The following DLEU7 variants were observed in gnomAD, a reference collection of about 807,000 sequenced individuals.
DLEU7 encodes leukemia-associated protein 7.
In DLEU7, 17 loss-of-function variants were observed where a neutral mutation model predicts 16.0. The ratio of observed to expected loss-of-function variants is 1.06; its 90% CI spans 0.73 to 1.59. The LOEUF (loss-of-function observed/expected upper bound fraction) is 1.59. DLEU7 is among the 40% of genes most tolerant of loss of function. DLEU7 has a pLI of 0.00. For missense variants in DLEU7, 308 were observed against 314.9 expected, an observed-to-expected ratio of 0.98 and a Z score of 0.17; for synonymous variants, 113 against 139.8, an observed-to-expected ratio of 0.81 and a Z score of 1.35.
chr13:50,840,793 G>A (rs373047385), intron 1 of DLEU7, among the ~76,000 whole-genome samples: 35 of 151,882 alleles, frequency 2.3e-4, no homozygotes, highest in African/African-American at 8.5e-4. Context: ...GGGGATGGGG[G>A]GGCAGCACTT....
At chr13:50,800,390 C>T (rs1200214917) in intron 1 of DLEU7, among the ~76,000 whole-genome samples, 4 of 152,122 alleles carry the variant, frequency 2.6e-5, no homozygotes, top group African/African-American at 9.7e-5. Flanking sequence ...CACCCCTTCC[C>T]CTTCAGTTTC....
downstream of DLEU7, chr13:50,822,904 G>A: frequency 2.0e-6 from 2 of 986,016 alleles, no homozygotes; most frequent in East Asian, 1.1e-4. Context: ...TTCATTCAAG[G>A]TAATTTTAAG....
intron 1 of DLEU7, among the ~76,000 whole-genome samples, chr13:50,816,954 G>A (rs1346668073): frequency 2.0e-5 from 3 of 152,098 alleles, no homozygotes; most frequent in Non-Finnish European, 4.4e-5. Context: ...TCCATTCAGA[G>A]CTGGAATACA....
chr13:50,755,841 G>C lies in DLEU7; in HGVS notation c.460-42601C>G, dbSNP rs575782851. 2.6e-5 allele frequency among the ~76,000 whole-genome samples: 4 copies of C among 152,196 alleles called. No homozygotes were observed. In the East Asian group the frequency reaches 5.8e-4, roughly 22 times the overall value. ...TTCTGCTTCCTTTTCATTTAGGTAGGCTCCGTCAGAGGCAAGGTCTAGGGC... is the reference window on the plus strand; with the variant it reads ...TTCTGCTTCCTTTTCATTTAGGTAGCCTCCGTCAGAGGCAAGGTCTAGGGC... On this transcript the variant is annotated intron_variant, in intron 1 of 1. Transcript: ENST00000400393.
At chr13:50,805,552 T>A (rs1452505970) in intron 1 of DLEU7, among the ~76,000 whole-genome samples, 6 of 152,230 alleles carry the variant, frequency 3.9e-5, no homozygotes, top group African/African-American at 1.4e-4. Context: ...TTGATTTTTT[T>A]ATATATTTTG....
chr13:50,750,038 T>C (rs1399183421), intron 1 of DLEU7, among the ~76,000 whole-genome samples: 1 of 152,174 alleles, frequency 6.6e-6, no homozygotes, highest in Non-Finnish European at 1.5e-5. Context: ...GTTTTTTCAG[T>C]GTTATCTTCT....
rs1221200823 is a variant in DLEU7, at chr13:50,789,940, TCTTTC to T, written c.459+53243_459+53247del. 1.7e-4 allele frequency among the ~76,000 whole-genome samples: 24 copies of T among 142,320 alleles called. 1 individual carries two copies. In the South Asian group the frequency reaches 2.1e-3, roughly 12 times the overall value. 93.4% of individuals were successfully genotyped at this position (142,320 alleles called of 152,430 possible). ...TTTTCTCTTTCTTTCTTTCTTTCTTTCTTTCTTTTTTTTTTTTTTGGGACAGAGTC... is the reference window on the plus strand; with the variant it reads ...TTTTCTCTTTCTTTCTTTCTTTCTTTTTTTTTTTTTTTTTGGGACAGAGTC... On this transcript the variant is annotated intron_variant, in intron 1 of 1. Coordinates refer to the DLEU7 transcript ENST00000400393.
At chr13:50,774,837 C>T (rs1242442006) in intron 1 of DLEU7, among the ~76,000 whole-genome samples, 1 of 152,052 alleles carries the variant, frequency 6.6e-6, no homozygotes, top group Non-Finnish European at 1.5e-5. Flanking sequence ...TCTTCATGGA[C>T]ACTACTCCTT....
chr13:50,770,120 T>C (rs1268639878), intron 1 of DLEU7, among the ~76,000 whole-genome samples: 3 of 152,182 alleles, frequency 2.0e-5, no homozygotes, highest in Admixed American at 6.5e-5. Context: ...CCCATTGATT[T>C]TGTATCCTGA....
chr13:50,777,718 TTCTC>T (rs1209240045), intron 1 of DLEU7, among the ~76,000 whole-genome samples: 2 of 152,222 alleles, frequency 1.3e-5, no homozygotes, highest in Non-Finnish European at 2.9e-5. Context: ...AGTAATATCT[TTCTC>T]TCATCATTTA....
intron 1 of DLEU7, among the ~76,000 whole-genome samples, chr13:50,740,693 A>G (rs902089691): frequency 6.6e-6 from 1 of 152,172 alleles, no homozygotes; most frequent in Admixed American, 6.5e-5. Flanking sequence ...ATATAGAAAC[A>G]TATAAATTTA....
At chr13:50,792,514 G>A (rs1006003984) in intron 1 of DLEU7, among the ~76,000 whole-genome samples, 4 of 152,166 alleles carry the variant, frequency 2.6e-5, no homozygotes, top group African/African-American at 9.7e-5. Context: ...AGACAGATTG[G>A]AAAGAGACAG....
intron 1 of DLEU7, among the ~76,000 whole-genome samples, chr13:50,782,131 T>A (rs1424672917): frequency 6.6e-6 from 1 of 152,200 alleles, no homozygotes; most frequent in African/African-American, 2.4e-5. Flanking sequence ...TTCCCTCCGT[T>A]AGTGGTCTGA....
chr13:50,753,730 T>G (rs753222823), intron 1 of DLEU7, among the ~76,000 whole-genome samples: 13 of 152,192 alleles, frequency 8.5e-5, no homozygotes, highest in Admixed American at 2.6e-4. Flanking sequence ...GCTCAGGCCT[T>G]GACCATCCCA....
At chr13:50,843,805 G>C (rs1161817297), upstream of DLEU7, 2 of 1,021,296 alleles carry the variant, frequency 2.0e-6, no homozygotes, top group South Asian at 1.8e-5. The surrounding 1 kb of genome is among the most constrained non-coding windows in gnomAD (Gnocchi z 5.7). Context: ...GCTCTGAATC[G>C]GTGACCCGTG....
At chr13:50,749,282 A>G (rs1275855771) in intron 1 of DLEU7, among the ~76,000 whole-genome samples, 5 of 151,896 alleles carry the variant, frequency 3.3e-5, no homozygotes, top group African/African-American at 9.7e-5. Context: ...ATCTATTTTT[A>G]TATATCTATA....
intron 1 of DLEU7, among the ~76,000 whole-genome samples, chr13:50,780,319 CCACCAAATGTATTT>C (rs1875617784): frequency 6.6e-6 from 1 of 152,194 alleles, no homozygotes; most frequent in Admixed American, 6.5e-5. Flanking sequence ...CAAATTGAGT[CCACCAAATGTATTT>C]CACCAAGGAC....
chr13:50,781,310 C>T (rs1044968515), intron 1 of DLEU7, among the ~76,000 whole-genome samples: 6 of 152,148 alleles, frequency 3.9e-5, no homozygotes, highest in South Asian at 2.1e-4. Flanking sequence ...ACAAAAATAG[C>T]GAAGCACATT....
chr13:50,765,137 C>T (rs940576942), intron 1 of DLEU7, among the ~76,000 whole-genome samples: 1 of 152,126 alleles, frequency 6.6e-6, no homozygotes, highest in African/African-American at 2.4e-5. Flanking sequence ...CCTATCTCAG[C>T]CTCCCAAAGT....
Sources: allele counts gnomAD v4.1 joint callset (sites outside exome capture counted in the v4.1 genomes callset), GRCh38; gene constraint gnomAD v4.1.1; non-coding constraint Gnocchi (gnomAD v3.1); transcripts MANE v1.5; gene names NCBI Gene and HGNC (gene_info 2026-07-23, HGNC 2026-07-21).